SLC45A4: variants seen among roughly 807,000 people sequenced by gnomAD.
SLC45A4 encodes solute carrier family 45 member 4.
In SLC45A4, 32 loss-of-function variants were observed where a neutral mutation model predicts 63.7. The ratio of observed to expected loss-of-function variants is 0.50; its 90% confidence interval spans 0.38 to 0.67. The LOEUF (loss-of-function observed/expected upper bound fraction) is 0.67. SLC45A4 is among the 30% of genes least tolerant of loss of function. The probability of loss-of-function intolerance (pLI) is 0.00; values close to 1 mark genes in which losing one functional copy is unlikely to be tolerated. For synonymous variants in SLC45A4, 535 were observed against 510.0 expected (o/e 1.05, Z -0.66); for missense variants, 1,027 against 1,157.7 (o/e 0.89, Z 1.64).
chr8:141,287,184 G>T (rs1830179839), intron 1 of SLC45A4, among the ~76,000 whole-genome samples: 1 of 152,152 alleles, frequency 6.6e-6, no homozygotes, highest in South Asian at 2.1e-4. Context: ...TCATGAGAGA[G>T]AGGCCTTCAG....
Position 141,229,947 on chromosome 8 carries a change from T to C in SLC45A4, c.242-8182A>G, listed in dbSNP as rs1038898135. ...GTGCGCACAGCTCAGCGCTGGACAC[T>C]AGATCCCTGCCTGCACTCCCGAGGC... On this transcript the variant is annotated intron_variant, in intron 2 of 8. Coordinates refer to ENST00000517878, the MANE Select transcript of SLC45A4 (RefSeq NM_001286646.2). This position sits in a 1 kb window ranked among gnomAD's most constrained non-coding sequence, Gnocchi z 5.0. 4.8e-6 allele frequency: 2 copies of C among 418,258 alleles called. No homozygotes were observed. Among genetic ancestry groups the C allele is most frequent in the Non-Finnish European group, 9.6e-6 (2 of 208,304 alleles). The allele number at this position is 418,258 out of a possible 1,614,324, so 25.9% of individuals were successfully genotyped here.
At chr8:141,305,190 T>C (rs756500563) in intron 1 of SLC45A4, among the ~76,000 whole-genome samples, 4 of 152,188 alleles carry the variant, frequency 2.6e-5, no homozygotes, top group Non-Finnish European at 4.4e-5. Flanking sequence ...TCCTTGTTCA[T>C]TGATTTTGGT....
intron 1 of SLC45A4, among the ~76,000 whole-genome samples, chr8:141,307,349 G>T (rs1285001169): frequency 6.6e-6 from 1 of 152,188 alleles, no homozygotes; most frequent in Admixed American, 6.5e-5. Context: ...TTCCTCCAGG[G>T]ACAAGGTCGG....
chr8:141,305,950 C>CT (rs1243409256), intron 1 of SLC45A4, among the ~76,000 whole-genome samples: 1 of 152,166 alleles, frequency 6.6e-6, no homozygotes, highest in Non-Finnish European at 1.5e-5. Flanking sequence ...GCGGGGCGGG[C>CT]TGGGGCGGGA....
chr8:141,262,020 T>C (rs2154614802), intron 1 of SLC45A4, among the ~76,000 whole-genome samples: 1 of 152,206 alleles, frequency 6.6e-6, no homozygotes, highest in African/African-American at 2.4e-5. Context: ...AAAACAGAGA[T>C]ATAGATCAAT....
intron 1 of SLC45A4, among the ~76,000 whole-genome samples, chr8:141,302,408 CG>C (rs1357604610): frequency 5.2e-4 from 78 of 151,116 alleles, no homozygotes; most frequent in African/African-American, 1.9e-3. Flanking sequence ...TCCCTCCCCC[CG>C]ACCCCACCCC....
intron 7 of SLC45A4, 55 bp from the exon 8 acceptor site, chr8:141,212,611 G>A (rs886479038): frequency 8.5e-6 from 13 of 1,524,066 alleles, no homozygotes; most frequent in South Asian, 5.0e-5. Context: ...GCTGCTACCC[G>A]TGCTTCACAA....
intron 2 of SLC45A4, among the ~76,000 whole-genome samples, chr8:141,241,132 AAG>A (rs1299362476): frequency 6.6e-6 from 1 of 152,252 alleles, no homozygotes; most frequent in African/African-American, 2.4e-5. Context: ...TCTCCTCCAG[AAG>A]TGCATCGTTC....
chr8:141,271,985 C>T (rs1251537151), intron 1 of SLC45A4, among the ~76,000 whole-genome samples: 3 of 151,842 alleles, frequency 2.0e-5, no homozygotes, highest in African/African-American at 7.3e-5. Flanking sequence ...TACACACATG[C>T]ACCCATACAC....
chr8:141,280,071 C>T (rs376764403), intron 1 of SLC45A4, among the ~76,000 whole-genome samples: 18 of 152,326 alleles, frequency 1.2e-4, no homozygotes, highest in African/African-American at 4.1e-4. Flanking sequence ...CACATCAGTT[C>T]GACTCCCCAG....
intron 1 of SLC45A4, among the ~76,000 whole-genome samples, chr8:141,296,453 T>C (rs974395712): frequency 6.8e-6 from 1 of 147,834 alleles, no homozygotes; most frequent in African/African-American, 2.5e-5. Flanking sequence ...GAGCTATGAT[T>C]GCACTGCTGC....
At chr8:141,217,975 G>T (rs755568819) in intron 5 of SLC45A4, 36 bp downstream of exon 5, 1 of 1,530,978 alleles carries the variant, frequency 6.5e-7, no homozygotes, top group South Asian at 1.2e-5. Context: ...CAGGTGGGCA[G>T]AGAGAGCGGC....
chr8:141,287,274 C>T (rs1167466245), intron 1 of SLC45A4, among the ~76,000 whole-genome samples: 1 of 152,184 alleles, frequency 6.6e-6, no homozygotes, highest in African/African-American at 2.4e-5. Context: ...TTTTAACAGG[C>T]AGAAGACATA....
At chr8:141,268,132 G>A (rs531793559) in intron 1 of SLC45A4, among the ~76,000 whole-genome samples, 66 of 152,302 alleles carry the variant, frequency 4.3e-4, no homozygotes, top group African/African-American at 1.5e-3. Flanking sequence ...ACCGCTAAAC[G>A]GAAATGAGCT....
At chr8:141,261,156 C>T (rs1487187788) in intron 1 of SLC45A4, among the ~76,000 whole-genome samples, 2 of 152,148 alleles carry the variant, frequency 1.3e-5, no homozygotes, top group Non-Finnish European at 2.9e-5. Context: ...GCAGAAAAGG[C>T]CTTTGACAAA....
chr8:141,216,057 A>T (rs1367850459), intron 6 of SLC45A4, 87 bp from the exon 7 acceptor site: 4 of 1,114,974 alleles, frequency 3.6e-6, no homozygotes, highest in Non-Finnish European at 4.9e-6. Context: ...CTCGCCCCCC[A>T]CATCCCCCCG....
chr8:141,290,779 G>A (rs1228793261), intron 1 of SLC45A4, among the ~76,000 whole-genome samples: 2 of 152,258 alleles, frequency 1.3e-5, no homozygotes, highest in Non-Finnish European at 1.5e-5. Context: ...ACGGTCCAGA[G>A]ACTGCAGGGA....
intron 2 of SLC45A4, among the ~76,000 whole-genome samples, chr8:141,238,667 T>A (rs1374428588): frequency 2.6e-5 from 4 of 152,154 alleles, no homozygotes; most frequent in African/African-American, 9.7e-5. Flanking sequence ...CTCTCCAGCC[T>A]CTTCCAGCAT....
chr8:141,261,712 T>G (rs1285576513), intron 1 of SLC45A4, among the ~76,000 whole-genome samples: 6 of 151,598 alleles, frequency 4.0e-5, no homozygotes, highest in South Asian at 2.1e-4. Context: ...CACTGCTCAA[T>G]GAAATAAAAG....
Sources: allele counts gnomAD v4.1 joint callset (sites outside exome capture counted in the v4.1 genomes callset), GRCh38; gene constraint gnomAD v4.1.1; non-coding constraint Gnocchi (gnomAD v3.1); transcripts MANE v1.5; gene names NCBI Gene and HGNC (gene_info 2026-07-23, HGNC 2026-07-21).